The following ZSWIM6 variants were observed in gnomAD, a reference collection of about 807,000 sequenced individuals.
ZSWIM6 encodes zinc finger SWIM-type containing 6.
In ZSWIM6, 9 loss-of-function variants were observed where a neutral mutation model predicts 113.2. That is an observed-to-expected ratio of 0.08 (90% CI 0.05 to 0.14). The LOEUF is 0.14. ZSWIM6 is among the 10% of genes least tolerant of loss of function. The pLI, the probability that ZSWIM6 is intolerant of heterozygous loss-of-function variation, is 1.00. For synonymous variants in ZSWIM6, 611 were observed against 606.5 expected, an observed-to-expected ratio of 1.01 and a Z score of -0.11; for missense variants, 1,162 against 1,552.2, an observed-to-expected ratio of 0.75 and a Z score of 4.22.
intron 1 of ZSWIM6, among the ~76,000 whole-genome samples, chr5:61,373,976 A>G (rs1745318377): frequency 6.6e-6 from 1 of 152,202 alleles, no homozygotes; most frequent in Non-Finnish European, 1.5e-5. Flanking sequence ...AGTGTTTATG[A>G]ACTGTAAAAC....
chr5:61,359,427 T>G (rs1744985744), intron 1 of ZSWIM6, among the ~76,000 whole-genome samples: 1 of 152,134 alleles, frequency 6.6e-6, no homozygotes, highest in Non-Finnish European at 1.5e-5. Flanking sequence ...AAAAATATTC[T>G]AGGGCACCTG....
intron 1 of ZSWIM6, among the ~76,000 whole-genome samples, chr5:61,371,191 G>A (rs1579958467): frequency 6.6e-6 from 1 of 151,586 alleles, no homozygotes; most frequent in Non-Finnish European, 1.5e-5. Flanking sequence ...ATGTTTAGTC[G>A]CCAGTTCTGA....
chr5:61,370,438 T>G lies in ZSWIM6; in HGVS notation c.676+37490T>G, dbSNP rs753309696. Among the ~76,000 whole-genome samples, 26 of 152,266 alleles carry G rather than the reference T, an allele frequency of 1.7e-4. 1 individual carries two copies. Among genetic ancestry groups the G allele is most frequent in the Non-Finnish European group, 5.9e-5 (4 of 68,038 alleles). On this transcript the variant is annotated intron_variant, in intron 1 of 13. Transcript: ENST00000252744. ...GCAGGTTTTCATTATTTGTACATTT[T>G]TATATCTAGCTCTTTTTGGTTTGAC...
intron 9 of ZSWIM6, 25 bp downstream of exon 9, chr5:61,531,750 C>T: frequency 1.9e-6 from 3 of 1,547,158 alleles, no homozygotes; most frequent in South Asian, 2.4e-5. Context: ...AAGTTTTCCA[C>T]TTATTTAGCC....
chr5:61,540,931 TTTTTTTG>T (rs1749714878), intron 12 of ZSWIM6, among the ~76,000 whole-genome samples: 2 of 108,682 alleles, frequency 1.8e-5, no homozygotes, highest in Admixed American at 9.3e-5. Context: ...TTTTTTTTTT[TTTTTTTG>T]TTGTTGTTGT....
chr5:61,518,764 T>C (rs1339328481), intron 4 of ZSWIM6, among the ~76,000 whole-genome samples: 1 of 152,216 alleles, frequency 6.6e-6, no homozygotes, highest in Non-Finnish European at 1.5e-5. Flanking sequence ...TGATAGTTTC[T>C]TTTGCTGTGC....
intron 4 of ZSWIM6, among the ~76,000 whole-genome samples, chr5:61,511,261 A>C (rs1387129355): frequency 1.3e-5 from 2 of 152,142 alleles, no homozygotes; most frequent in African/African-American, 4.8e-5. Flanking sequence ...AAAATTTCTC[A>C]TTCTGCAAAA....
At chr5:61,341,120 T>C (rs1744536488) in intron 1 of ZSWIM6, among the ~76,000 whole-genome samples, 1 of 152,208 alleles carries the variant, frequency 6.6e-6, no homozygotes, top group African/African-American at 2.4e-5. Flanking sequence ...TCTACGTGGG[T>C]TTTCTTTGGG....
At chr5:61,428,807 TTTA>T (rs1579991744) in intron 1 of ZSWIM6, among the ~76,000 whole-genome samples, 1 of 152,224 alleles carries the variant, frequency 6.6e-6, no homozygotes, top group Admixed American at 6.5e-5. Flanking sequence ...TTCTGTTGTT[TTTA>T]TTATTTTTTT....
intron 1 of ZSWIM6, among the ~76,000 whole-genome samples, chr5:61,415,035 G>A (rs1746218586): frequency 6.6e-6 from 1 of 152,128 alleles, no homozygotes; most frequent in Admixed American, 6.5e-5. Flanking sequence ...GTACTTGCTC[G>A]AGGATACACA....
At chr5:61,531,404 C>T (rs1226642020) in intron 8 of ZSWIM6, 61 bp from the exon 9 acceptor site, 1 of 1,499,344 alleles carries the variant, frequency 6.7e-7, no homozygotes, top group Non-Finnish European at 9.0e-7. Flanking sequence ...AATATTTGTA[C>T]TTATCATATC....
At chr5:61,435,351 G>C (rs1471083829) in intron 1 of ZSWIM6, among the ~76,000 whole-genome samples, 1 of 152,144 alleles carries the variant, frequency 6.6e-6, no homozygotes, top group Non-Finnish European at 1.5e-5. Flanking sequence ...TACTGTTTTG[G>C]TAAACACAGA....
At chr5:61,333,636 C>T (rs1025205448) in intron 1 of ZSWIM6, among the ~76,000 whole-genome samples, 3 of 149,838 alleles carry the variant, frequency 2.0e-5, no homozygotes, top group African/African-American at 4.8e-5. Context: ...AGTCTCCAAG[C>T]GGCGCAGAGG....
intron 4 of ZSWIM6, among the ~76,000 whole-genome samples, chr5:61,516,213 T>C (rs1748935995): frequency 1.3e-5 from 2 of 151,342 alleles, no homozygotes; most frequent in Non-Finnish European, 3.0e-5. Flanking sequence ...ATTTGTTTTT[T>C]GTTTATCCCC....
chr5:61,539,154 A>C (rs1749660847), intron 11 of ZSWIM6, among the ~76,000 whole-genome samples, 183 bp downstream of exon 11: 2 of 152,226 alleles, frequency 1.3e-5, no homozygotes, highest in African/African-American at 4.8e-5. Context: ...TACCTGCATC[A>C]TTAACTTGCT....
chr5:61,531,604 G>T lies in ZSWIM6; in HGVS notation c.2124G>T (p.Gly708=), dbSNP rs1398659883. 3.2e-6 allele frequency: 5 copies of T among 1,551,542 alleles called. No homozygotes were observed. In the African/African-American group the frequency reaches 6.8e-5, roughly 21 times the overall value. The change falls in exon 9 of 14, where the codon GGG becomes GGT. Residue 708 remains glycine (G), a synonymous_variant. Coordinates refer to ENST00000252744, the MANE Select transcript of ZSWIM6 (RefSeq NM_020928.2). ...GACAGCAGCGTATCATGCCTGATGG[G>T]CTGTACACACAAGAGAAAGTTTGCC... The part of the protein sequence containing the change: ...GLGQQRIMPD[G]LYTQEKVCRN...
chr5:61,370,653 C>T (rs1745244817), intron 1 of ZSWIM6, among the ~76,000 whole-genome samples: 1 of 152,114 alleles, frequency 6.6e-6, no homozygotes, highest in Admixed American at 6.5e-5. Context: ...TTCACTCTGC[C>T]CGTATTTTCT....
chr5:61,411,246 T>C (rs1746143673), intron 1 of ZSWIM6, among the ~76,000 whole-genome samples: 1 of 152,232 alleles, frequency 6.6e-6, no homozygotes, highest in South Asian at 2.1e-4. Flanking sequence ...AGTGAATGTT[T>C]GTGTCTTGTT....
rs375719109 is a variant in ZSWIM6, at chr5:61,531,477, A to T, written c.1997A>T (p.Gln666Leu). The change falls in exon 9 of 14, where the codon CAG (glutamine) becomes CTG (leucine). Residue 666 changes from glutamine (Q) to leucine (L), a missense_variant. By Grantham distance (113) the Gln-to-Leu change is moderately radical (BLOSUM62 -2). Coordinates refer to ENST00000252744, the MANE Select transcript of ZSWIM6 (RefSeq NM_020928.2). The stretch of plus-strand genomic sequence containing the variant: ...TGGCATTTTGCAGAGAATATGGGAC[A>T]GTGCAAGTCTCTGGAATACCAGCAT... ...GFSDFTENMG[Q>L]CKSLEYQHLP... 47 of 1,550,398 alleles carry T rather than the reference A, an allele frequency of 3.0e-5. No individual in the cohort carries two copies. The highest frequency in any genetic ancestry group is 3.8e-5 in the Non-Finnish European group (43 of 1,145,990).
Sources: gnomAD v4.1 joint callset for allele counts (sites outside exome capture counted in the v4.1 genomes callset) on GRCh38, gnomAD v4.1.1 for gene constraint, MANE v1.5 for transcripts, NCBI Gene and HGNC (gene_info 2026-07-23, HGNC 2026-07-21) for gene names.